Variants in RTL4 observed in about 807,000 individuals in gnomAD.
The protein encoded by RTL4 is retrotransposon Gag-like protein 4.
RTL4 carries 4 observed loss-of-function variants against 5.3 expected under a neutral mutation model. That is an observed-to-expected ratio of 0.75 (90% confidence interval 0.37 to 1.72). The LOEUF is 1.72. Among genes scored for constraint, RTL4 ranks in the 40% most tolerant of loss-of-function variants. RTL4 has a pLI of 0.04. For synonymous variants in RTL4, 98 were observed against 87.3 expected (o/e 1.12, Z -0.68); for missense variants, 260 against 227.1 (o/e 1.14, Z -0.93).
the RTL4 span, among the ~76,000 whole-genome samples, chrX:112,185,162 CA>C: frequency 1.8e-5 from 2 of 109,681 alleles, no homozygotes; most frequent in Non-Finnish European, 3.8e-5. Flanking sequence ...TCTTGATTCC[CA>C]ATCTAGTGTA....
At chrX:112,184,800 G>A in the RTL4 span, among the ~76,000 whole-genome samples, 2 of 112,096 alleles carry the variant, frequency 1.8e-5, no homozygotes, top group East Asian at 5.6e-4. Flanking sequence ...GTGATTGCCA[G>A]ACTGATTTAT....
At chrX:112,437,894 T>C in the RTL4 span, among the ~76,000 whole-genome samples, 1 of 108,954 alleles carries the variant, frequency 9.2e-6, no homozygotes, top group Non-Finnish European at 1.9e-5. Flanking sequence ...TTGACATCCA[T>C]ATCCATCAGA....
chrX:112,260,472 C>A, the RTL4 span, among the ~76,000 whole-genome samples: 5 of 111,571 alleles, frequency 4.5e-5, no homozygotes, highest in Admixed American at 2.9e-4. Flanking sequence ...CCTTGAATGT[C>A]TAGAGCAGGT....
At chrX:112,279,747 A>G in the RTL4 span, among the ~76,000 whole-genome samples, 1 of 111,818 alleles carries the variant, frequency 8.9e-6, no homozygotes, top group African/African-American at 3.3e-5. Context: ...ATTGTTGAAC[A>G]GAAGATTCTG....
At chrX:112,126,407 T>C in the RTL4 span, among the ~76,000 whole-genome samples, 1 of 112,152 alleles carries the variant, frequency 8.9e-6, no homozygotes, top group Non-Finnish European at 1.9e-5. Context: ...ATACTGAATT[T>C]ATGGGATGAA....
At chrX:112,231,318 A>T in the RTL4 span, among the ~76,000 whole-genome samples, 23 of 110,375 alleles carry the variant, frequency 2.1e-4, no homozygotes, top group Non-Finnish European at 3.6e-4. Context: ...ACTTGGAACC[A>T]ACCCAAATGT....
At chrX:112,418,738 A>G in the RTL4 span, among the ~76,000 whole-genome samples, 7 of 110,147 alleles carry the variant, frequency 6.4e-5, no homozygotes, top group African/African-American at 1.3e-4. Flanking sequence ...TAAGTCATGA[A>G]GGAAAAAATT....
chrX:112,293,572 G>A, the RTL4 span, among the ~76,000 whole-genome samples: 2 of 112,064 alleles, frequency 1.8e-5, no homozygotes, highest in African/African-American at 6.5e-5. Context: ...AGGATGTCTG[G>A]TGGAATTGAC....
At chrX:112,155,610 G>A in the RTL4 span, among the ~76,000 whole-genome samples, 1 of 111,408 alleles carries the variant, frequency 9.0e-6, no homozygotes, top group Non-Finnish European at 1.9e-5. Flanking sequence ...CAAAGCTACT[G>A]TGGAGCTGGG....
chrX:112,115,396 A>G, the RTL4 span, among the ~76,000 whole-genome samples: 1 of 111,570 alleles, frequency 9.0e-6, no homozygotes, highest in African/African-American at 3.3e-5. Flanking sequence ...TTTTCCTGCT[A>G]GTATTGGGAC....
At chrX:112,222,271 C>T in the RTL4 span, among the ~76,000 whole-genome samples, 1 of 111,506 alleles carries the variant, frequency 9.0e-6, no homozygotes, top group Non-Finnish European at 1.9e-5. Flanking sequence ...TTCTACCCTA[C>T]TTATTACAGT....
At chrX:112,271,068 A>AAC in the RTL4 span, among the ~76,000 whole-genome samples, 1 of 109,334 alleles carries the variant, frequency 9.1e-6, no homozygotes, top group African/African-American at 3.3e-5. Flanking sequence ...AAAAAAAAAA[A>AAC]AAACCCACAA....
the RTL4 span, among the ~76,000 whole-genome samples, chrX:112,098,770 A>G: frequency 1.2e-3 from 134 of 111,799 alleles, no homozygotes; most frequent in African/African-American, 4.2e-3. Flanking sequence ...TTTGAGAAAA[A>G]CAAGAAATGG....
chrX:112,168,561 G>T, the RTL4 span, among the ~76,000 whole-genome samples: 1 of 111,797 alleles, frequency 8.9e-6, no homozygotes, highest in Admixed American at 9.4e-5. Context: ...AGATGGTGAT[G>T]AAAGTGACCT....
At chrX:112,222,387 G>T in the RTL4 span, among the ~76,000 whole-genome samples, 1 of 111,354 alleles carries the variant, frequency 9.0e-6, no homozygotes, top group South Asian at 3.9e-4. Context: ...AGTACCCACA[G>T]CCACTGGAGC....
the RTL4 span, among the ~76,000 whole-genome samples, chrX:112,382,642 A>G: frequency 8.9e-6 from 1 of 112,612 alleles, no homozygotes. Flanking sequence ...CGTTCTGCTC[A>G]GTAAATAACC....
At chrX:112,310,734 T>G in the RTL4 span, among the ~76,000 whole-genome samples, 1 of 77,245 alleles carries the variant, frequency 1.3e-5, no homozygotes, top group Non-Finnish European at 2.3e-5. Context: ...ATATTATATA[T>G]TTATATATTA....
At chrX:112,183,226 C>G in the RTL4 span, among the ~76,000 whole-genome samples, 2 of 112,157 alleles carry the variant, frequency 1.8e-5, no homozygotes, top group African/African-American at 6.5e-5. Context: ...ATTGCAAAGA[C>G]CATTGACACT....
At chrX:112,378,262 TA>T in the RTL4 span, among the ~76,000 whole-genome samples, 1 of 111,211 alleles carries the variant, frequency 9.0e-6, no homozygotes, top group African/African-American at 3.3e-5. Context: ...GCTTGGTTCA[TA>T]GATGGGTTAA....
Sources: allele counts gnomAD v4.1 joint callset (sites outside exome capture counted in the v4.1 genomes callset), GRCh38; gene constraint gnomAD v4.1.1; transcripts MANE v1.5; gene names NCBI Gene and HGNC (gene_info 2026-07-23, HGNC 2026-07-21).